Variants in PLEKHA8 observed in about 807,000 individuals in gnomAD.
The protein encoded by PLEKHA8 is pleckstrin homology domain-containing family A member 8.
In PLEKHA8, 36 loss-of-function variants were observed where a neutral mutation model predicts 68.2. That is an observed-to-expected ratio of 0.53 (90% confidence interval 0.40 to 0.70). The LOEUF is 0.70. Ranked by LOEUF, PLEKHA8 falls within the 30% of genes least tolerant of loss-of-function variation. PLEKHA8 has a pLI of 0.00. For missense variants in PLEKHA8, 505 were observed against 615.4 expected (o/e 0.82, Z 1.90); for synonymous variants, 211 against 216.1 (o/e 0.98, Z 0.20).
intron 13 of PLEKHA8, among the ~76,000 whole-genome samples, chr7:30,111,484 T>C (rs1796273628): frequency 6.6e-6 from 1 of 152,186 alleles, no homozygotes; most frequent in African/African-American, 2.4e-5. Context: ...ACTTTTGGTT[T>C]TGGGATTTTA....
At chr7:30,056,324 A>ATATAT (rs1792896501) in intron 9 of PLEKHA8, among the ~76,000 whole-genome samples, 1 of 129,890 alleles carries the variant, frequency 7.7e-6, no homozygotes, top group Admixed American at 8.3e-5. Flanking sequence ...ATATATATAT[A>ATATAT]TATATATAAA....
At chr7:30,122,703 C>T (rs762151218) in intron 13 of PLEKHA8, among the ~76,000 whole-genome samples, 1 of 152,154 alleles carries the variant, frequency 6.6e-6, no homozygotes, top group Non-Finnish European at 1.5e-5. Flanking sequence ...CAGTAATAGA[C>T]AACCTGTTAA....
chr7:30,065,719 C>T (rs182678926), intron 12 of PLEKHA8, among the ~76,000 whole-genome samples: 25 of 152,264 alleles, frequency 1.6e-4, no homozygotes, highest in African/African-American at 5.8e-4. Context: ...CTATCACTTA[C>T]AGAGCACCCA....
chr7:30,054,561 GTA>G (rs1290286020), intron 7 of PLEKHA8, 146 bp from the exon 8 acceptor site: 1 of 441,812 alleles, frequency 2.3e-6, no homozygotes, highest in African/African-American at 2.1e-5. Context: ...GTTTGTGTGT[GTA>G]GATGTATGTT....
intron 1 of PLEKHA8, among the ~76,000 whole-genome samples, chr7:30,029,259 T>C (rs1290095983): frequency 6.6e-6 from 1 of 152,210 alleles, no homozygotes; most frequent in Non-Finnish European, 1.5e-5. Context: ...AAGTCCTCAG[T>C]GCAAACACTT....
rs192522644 is a variant in PLEKHA8 at position 30,106,968 on chromosome 7, G to T, written c.1363-22298G>T. Reference sequence around the variant, plus strand: ...GAACTAATCCCCCACAGATACCAGGGTTTGACTATATAGTGTTTTCCTTTA... The same window carrying T: ...GAACTAATCCCCCACAGATACCAGGTTTTGACTATATAGTGTTTTCCTTTA... On this transcript the variant is annotated intron_variant, in intron 13 of 13. Transcript: ENST00000396257. 3.4e-4 allele frequency among the ~76,000 whole-genome samples: 51 copies of T among 152,236 alleles called. 1 individual carries two copies. In the East Asian group the frequency reaches 9.3e-3, roughly 28 times the overall value.
chr7:30,065,382 T>G (rs1486173145), intron 12 of PLEKHA8, among the ~76,000 whole-genome samples: 1 of 152,092 alleles, frequency 6.6e-6, no homozygotes, highest in Non-Finnish European at 1.5e-5. Flanking sequence ...GTTCCCCTAT[T>G]AAACCCACCC....
At chr7:30,041,900 T>C (rs1791569711) in intron 1 of PLEKHA8, among the ~76,000 whole-genome samples, 1 of 152,096 alleles carries the variant, frequency 6.6e-6, no homozygotes, top group South Asian at 2.1e-4. Context: ...ATTGGTAGAG[T>C]TTTTTTCTTT....
chr7:30,119,709 C>T (rs754345804), intron 13 of PLEKHA8, among the ~76,000 whole-genome samples: 2 of 152,108 alleles, frequency 1.3e-5, no homozygotes, highest in African/African-American at 2.4e-5. Context: ...TGAAAACAGC[C>T]GCTTATACCT....
intron 12 of PLEKHA8, among the ~76,000 whole-genome samples, chr7:30,073,175 G>A (rs1024541227): frequency 6.6e-6 from 1 of 151,970 alleles, no homozygotes. Context: ...TATTAATATA[G>A]TTCTCACCAA....
In PLEKHA8 at chr7:30,058,489, T is replaced by C. The variant is rs554491799; in HGVS notation, c.1040-2395T>C. On this transcript the variant is annotated intron_variant, in intron 9 of 13. Coordinates refer to ENST00000449726, the MANE Select transcript of PLEKHA8 (RefSeq NM_001197026.2). The stretch of plus-strand genomic sequence containing the variant: ...TGAGGTTCTTTTTTTTTTTTTTTTT[T>C]CCTTGTGGTAACTGGTTGCTCAAGA... 2.0e-4 allele frequency among the ~76,000 whole-genome samples: 29 copies of C among 148,120 alleles called. No individual in the cohort carries two copies. In the East Asian group the frequency reaches 5.3e-3, roughly 27 times the overall value.
chr7:30,115,439 T>C (rs1310667306), intron 13 of PLEKHA8, among the ~76,000 whole-genome samples: 1 of 152,102 alleles, frequency 6.6e-6, no homozygotes. Flanking sequence ...GATATACATA[T>C]ATACATGTAT....
At chr7:30,100,319 G>A (rs1385762381) in intron 13 of PLEKHA8, among the ~76,000 whole-genome samples, 1 of 152,186 alleles carries the variant, frequency 6.6e-6, no homozygotes, top group Non-Finnish European at 1.5e-5. Flanking sequence ...GGGAGGCCAA[G>A]GAGGGTGGAT....
Position 30,069,152 on chromosome 7 carries a change from G to A in PLEKHA8, c.1301-4919G>A, listed in dbSNP as rs565032485. ...TACTGGACCGTTCTCTCTAGAACTC[G>A]TAGGATCTTAGGGCAAGCACACTTC... is the stretch of plus-strand genomic sequence containing the variant. On this transcript the variant is annotated intron_variant, in intron 12 of 13. Coordinates refer to ENST00000449726, the MANE Select transcript of PLEKHA8 (RefSeq NM_001197026.2). 1.6e-4 allele frequency among the ~76,000 whole-genome samples: 25 copies of A among 152,274 alleles called. No individual in the cohort carries two copies. The South Asian group carries it at 4.1e-3, about 25-fold the overall frequency.
chr7:30,081,323 T>C lies in PLEKHA8; in HGVS notation c.*2536T>C, dbSNP rs1214006466. On this transcript the variant is annotated 3_prime_UTR_variant, in exon 14 of 14. Transcript: ENST00000449726. The stretch of plus-strand genomic sequence containing the variant: ...GATGTATAAAAGTTTGTTTAAGATG[T>C]GTAAAAGTTTGCTTAAGGAACTGAG... 1 of 984,702 alleles carries C rather than the reference T, an allele frequency of 1.0e-6. No homozygotes were observed. The highest frequency in any genetic ancestry group is 1.2e-6 in the Non-Finnish European group (1 of 829,400). The allele number at this position is 984,702 out of a possible 1,614,324, so 61.0% of individuals were successfully genotyped here.
rs774043344 is a variant in PLEKHA8, at chr7:30,079,898, CT to C, written c.*1124del. ...TTCTTCAAGAACTAAATGATATGTCCTTTTTTTTTTTTTCAAAGAGGATAAG... is the reference window on the plus strand; with the variant it reads ...TTCTTCAAGAACTAAATGATATGTCCTTTTTTTTTTTTCAAAGAGGATAAG... On this transcript the variant is annotated 3_prime_UTR_variant, in exon 14 of 14. Transcript: ENST00000449726. The C allele has an allele frequency of 0.074, 44,792 of 601,320 alleles. 1 individual carries two copies. The highest frequency in any genetic ancestry group is 0.084 in the Non-Finnish European group (40,652 of 485,116). The allele number at this position is 601,320 out of a possible 1,614,324, so 37.2% of individuals were successfully genotyped here.
At chr7:30,068,561 TTTTC>T (rs1404230984) in intron 12 of PLEKHA8, among the ~76,000 whole-genome samples, 11 of 152,164 alleles carry the variant, frequency 7.2e-5, no homozygotes. Flanking sequence ...TTCTCTTAGG[TTTTC>T]TTTATCAACT....
rs368267781 is a variant in PLEKHA8 at position 30,081,270 on chromosome 7, C to T, written c.*2483C>T. ...GTAATATTTTTTAATAGGTATTTTC[C>T]CCACTGGAGCATATTACGTTTGCCT... On this transcript the variant is annotated 3_prime_UTR_variant, in exon 14 of 14. Transcript: ENST00000449726. 1.3e-4 allele frequency: 126 copies of T among 985,178 alleles called. No individual in the cohort carries two copies. In the South Asian group the frequency reaches 5.0e-3, roughly 39 times the overall value. The allele number at this position is 985,178 out of a possible 1,614,324, so 61.0% of individuals were successfully genotyped here.
intron 13 of PLEKHA8, among the ~76,000 whole-genome samples, chr7:30,113,963 A>G (rs146803284): frequency 6.1e-4 from 92 of 151,558 alleles, no homozygotes; most frequent in African/African-American, 2.0e-3. Context: ...CAGGGGCACA[A>G]TCTCAGCTCA....
Sources: allele counts gnomAD v4.1 joint callset (sites outside exome capture counted in the v4.1 genomes callset), GRCh38; gene constraint gnomAD v4.1.1; transcripts MANE v1.5; gene names NCBI Gene and HGNC (gene_info 2026-07-23, HGNC 2026-07-21).